The following GALNT13 variants were observed in gnomAD, a reference collection of about 807,000 sequenced individuals.
GALNT13 encodes polypeptide N-acetylgalactosaminyltransferase 13.
Under a neutral mutation model 64.2 loss-of-function variants are expected in GALNT13, and 28 were observed. The observed-to-expected ratio is 0.44, with a 90% CI of 0.32 to 0.60. The LOEUF (loss-of-function observed/expected upper bound fraction) is 0.60. Ranked by LOEUF, GALNT13 falls within the 20% of genes least tolerant of loss-of-function variation. The pLI, the probability that GALNT13 is intolerant of heterozygous loss-of-function variation, is 0.05. For missense variants in GALNT13, 577 were observed against 669.8 expected (o/e 0.86, Z 1.53); for synonymous variants, 214 against 224.6 (o/e 0.95, Z 0.42).
At chr2:153,992,930 C>G (rs1042078589) in intron 3 of GALNT13, among the ~76,000 whole-genome samples, 2 of 151,922 alleles carry the variant, frequency 1.3e-5, no homozygotes, top group Admixed American at 6.6e-5. Context: ...TATCTAATAC[C>G]CAATTTTCTT....
intron 3 of GALNT13, among the ~76,000 whole-genome samples, chr2:154,118,529 C>T (rs187478733): frequency 3.3e-5 from 5 of 151,408 alleles, no homozygotes; most frequent in African/African-American, 7.3e-5. Flanking sequence ...TAATTACTGA[C>T]GAGTAAGGAC....
chr2:153,386,403 G>A, the GALNT13 span, among the ~76,000 whole-genome samples: 3 of 151,970 alleles, frequency 2.0e-5, no homozygotes, highest in Non-Finnish European at 2.9e-5. Flanking sequence ...ACATACAGTT[G>A]GGTAAAATGA....
chr2:153,328,357 A>G, the GALNT13 span, among the ~76,000 whole-genome samples: 1 of 152,166 alleles, frequency 6.6e-6, no homozygotes, highest in African/African-American at 2.4e-5. Context: ...TGCTCTCTTC[A>G]GAGCCTGCAG....
the GALNT13 span, among the ~76,000 whole-genome samples, chr2:153,433,655 T>G: frequency 6.6e-6 from 1 of 152,176 alleles, no homozygotes; most frequent in Non-Finnish European, 1.5e-5. Flanking sequence ...AGGTAGAGTT[T>G]AGCGGAGCAG....
At chr2:153,384,349 T>C in the GALNT13 span, among the ~76,000 whole-genome samples, 2 of 152,042 alleles carry the variant, frequency 1.3e-5, no homozygotes, top group Admixed American at 6.6e-5. Context: ...TGAAAGCAAA[T>C]ACCATTTTTA....
At chr2:154,227,097 T>C (rs1559036285) in intron 4 of GALNT13, among the ~76,000 whole-genome samples, 1 of 152,056 alleles carries the variant, frequency 6.6e-6, no homozygotes, top group African/African-American at 2.4e-5. Flanking sequence ...TCATCTCTCG[T>C]AGTCAGGGTG....
chr2:153,791,574 G>T, the GALNT13 span, among the ~76,000 whole-genome samples: 413 of 152,210 alleles, frequency 2.7e-3, 2 homozygotes, highest in South Asian at 6.2e-3. Flanking sequence ...CTATTGCTGA[G>T]TATATACACA....
chr2:153,079,036 T>C, the GALNT13 span, among the ~76,000 whole-genome samples: 1 of 152,142 alleles, frequency 6.6e-6, no homozygotes, highest in African/African-American at 2.4e-5. Context: ...TTCTAAAATA[T>C]AGGTTTTGTT....
At chr2:153,701,201 A>G in the GALNT13 span, among the ~76,000 whole-genome samples, 2 of 152,178 alleles carry the variant, frequency 1.3e-5, no homozygotes, top group African/African-American at 2.4e-5. Context: ...CACATCTACA[A>G]CCATCTGATC....
At chr2:153,518,520 A>G in the GALNT13 span, among the ~76,000 whole-genome samples, 7 of 152,314 alleles carry the variant, frequency 4.6e-5, no homozygotes, top group African/African-American at 1.4e-4. Flanking sequence ...GGCTTGAATC[A>G]TGTCTGTTAC....
the GALNT13 span, among the ~76,000 whole-genome samples, chr2:153,517,470 A>G: frequency 6.6e-6 from 1 of 152,192 alleles, no homozygotes; most frequent in Non-Finnish European, 1.5e-5. Context: ...GCCAGAAAGC[A>G]GAGAAATGTT....
At chr2:153,157,427 A>T in the GALNT13 span, among the ~76,000 whole-genome samples, 1 of 152,138 alleles carries the variant, frequency 6.6e-6, no homozygotes. Flanking sequence ...GTGTAATTGG[A>T]TGGCTGCGAA....
chr2:153,932,077 G>T (rs1690567716), intron 2 of GALNT13, among the ~76,000 whole-genome samples: 1 of 151,978 alleles, frequency 6.6e-6, no homozygotes, highest in African/African-American at 2.4e-5. Context: ...TTTCTAGTCT[G>T]TGTTAATAGA....
At chr2:154,340,246 C>T (rs1695684873) in intron 9 of GALNT13, among the ~76,000 whole-genome samples, 3 of 151,978 alleles carry the variant, frequency 2.0e-5, no homozygotes, top group Admixed American at 6.6e-5. Context: ...TCTCATCCTT[C>T]TTCATTTATT....
At chr2:153,120,290 G>A in the GALNT13 span, among the ~76,000 whole-genome samples, 1 of 152,170 alleles carries the variant, frequency 6.6e-6, no homozygotes, top group Non-Finnish European at 1.5e-5. Context: ...ATTCTTTTCA[G>A]TATGAAGGAA....
chr2:154,442,560 G>A (rs978201125), intron 12 of GALNT13, among the ~76,000 whole-genome samples: 63 of 151,972 alleles, frequency 4.1e-4, no homozygotes, highest in African/African-American at 1.5e-3. Flanking sequence ...AATGCCTATT[G>A]CCAGGATTAA....
chr2:153,163,782 G>A, the GALNT13 span, among the ~76,000 whole-genome samples: 2 of 152,176 alleles, frequency 1.3e-5, no homozygotes, highest in South Asian at 4.1e-4. Flanking sequence ...CACTTTGGGA[G>A]GCCAAGGCGG....
the GALNT13 span, among the ~76,000 whole-genome samples, chr2:153,573,580 G>A: frequency 2.7e-5 from 4 of 150,902 alleles, no homozygotes; most frequent in Admixed American, 6.6e-5. Flanking sequence ...AATTTCTCAC[G>A]TTTTATTTTT....
chr2:154,264,567 G>A (rs947660894), intron 8 of GALNT13, among the ~76,000 whole-genome samples: 1 of 151,760 alleles, frequency 6.6e-6, no homozygotes, highest in Non-Finnish European at 1.5e-5. Context: ...AACCCAGGAG[G>A]CAGAGGTTGC....
Sources: allele counts gnomAD v4.1 joint callset (sites outside exome capture counted in the v4.1 genomes callset), GRCh38; gene constraint gnomAD v4.1.1; transcripts MANE v1.5; gene names NCBI Gene and HGNC (gene_info 2026-07-23, HGNC 2026-07-21).